RASGRF1: variants seen among roughly 807,000 people sequenced by gnomAD.
RASGRF1 encodes ras-specific guanine nucleotide-releasing factor 1.
In RASGRF1, 40 loss-of-function variants were observed where a neutral mutation model predicts 138.7. That is an observed-to-expected ratio of 0.29 (90% CI 0.22 to 0.38). The LOEUF is 0.38. Among genes scored for constraint, RASGRF1 ranks in the 10% least tolerant of loss-of-function variants. RASGRF1 has a pLI of 1.00. For synonymous variants in RASGRF1, 614 were observed against 663.2 expected (o/e 0.93, Z 1.14); for missense variants, 1,108 against 1,650.4 (o/e 0.67, Z 5.69).
intron 23 of RASGRF1, 84 bp downstream of exon 23, chr15:78,984,923 T>C (rs1255362719): frequency 1.4e-6 from 2 of 1,439,244 alleles, no homozygotes; most frequent in Non-Finnish European, 1.9e-6. Flanking sequence ...CACTTGTGGA[T>C]GCCCAGTGGC....
At chr15:79,013,481 C>T (rs1168037490) in intron 13 of RASGRF1, among the ~76,000 whole-genome samples, 1 of 152,242 alleles carries the variant, frequency 6.6e-6, no homozygotes, top group Non-Finnish European at 1.5e-5. Context: ...CGAGTGGAAA[C>T]AAAGGATTTC....
chr15:78,978,816 T>C (rs897962874), intron 24 of RASGRF1: 3 of 1,169,028 alleles, frequency 2.6e-6, no homozygotes, highest in African/African-American at 3.2e-5. Context: ...GCCCTGCCTA[T>C]GTCTCTGCAA....
chr15:79,065,865 T>C (rs2057673024), intron 1 of RASGRF1, among the ~76,000 whole-genome samples: 1 of 151,440 alleles, frequency 6.6e-6, no homozygotes, highest in African/African-American at 2.4e-5. Flanking sequence ...TTTATGTATT[T>C]TTGTTAATTG....
At position 79,021,452 on chromosome 15, in the gene RASGRF1, C is replaced by G. The variant is rs186299589; in HGVS notation, c.1543-1348G>C. 2.0e-5 allele frequency among the ~76,000 whole-genome samples: 3 copies of G among 152,294 alleles called. No homozygotes were observed. The East Asian group carries it at 5.8e-4, about 29-fold the overall frequency. Reference sequence around the variant, plus strand: ...ACTAACCCACTGGGCCTCAAGCTTGCCCAGTGATGTCACTGAGCTTGATCA... The same window carrying G: ...ACTAACCCACTGGGCCTCAAGCTTGGCCAGTGATGTCACTGAGCTTGATCA... On this transcript the variant is annotated intron_variant, in intron 10 of 26. Transcript: ENST00000558480.
Position 79,040,651 on chromosome 15 carries a change from T to TAG in RASGRF1, c.879-5443_879-5442dup, listed in dbSNP as rs112675333. ...TACTTATCAGAGCGAGAGCGAGAGC[T>TAG]AGAGAGAGAGAGAGAGTCTGTACAC... On this transcript the variant is annotated intron_variant, in intron 5 of 26. Coordinates refer to ENST00000558480, the MANE Select transcript of RASGRF1 (RefSeq NM_001145648.3). Among the ~76,000 whole-genome samples the TAG allele has an allele frequency of 7.3e-4, 110 of 150,304 alleles. 1 individual carries two copies. Among genetic ancestry groups the TAG allele is most frequent in the South Asian group, 3.8e-3 (18 of 4,772 alleles).
Position 78,965,847 on chromosome 15 carries a change from T to A in RASGRF1, c.3682-3611A>T, listed in dbSNP as rs1364164430. Among the ~76,000 whole-genome samples, 3 of 152,270 alleles carry A rather than the reference T, an allele frequency of 2.0e-5. No homozygotes were observed. In the East Asian group the frequency reaches 5.8e-4, roughly 29 times the overall value. ...GGCTGGGTGACAGAGTGAAACTCCG[T>A]CTCAAAAATAAAATAAAAGAATCTC... On this transcript the variant is annotated intron_variant, in intron 26 of 26. Coordinates refer to ENST00000558480, the MANE Select transcript of RASGRF1 (RefSeq NM_001145648.3).
At chr15:79,051,669 G>A (rs575120016) in intron 3 of RASGRF1, among the ~76,000 whole-genome samples, 41 of 152,316 alleles carry the variant, frequency 2.7e-4, no homozygotes, top group South Asian at 2.3e-3. Flanking sequence ...GCTCTTCTCA[G>A]AGAGAGGCAT....
intron 2 of RASGRF1, among the ~76,000 whole-genome samples, chr15:79,062,819 C>T (rs576725049): frequency 6.6e-6 from 1 of 152,156 alleles, no homozygotes; most frequent in Non-Finnish European, 1.5e-5. Context: ...GTTGGGATTA[C>T]AGGCGTGAAC....
At chr15:79,049,681 C>T (rs879760294) in intron 3 of RASGRF1, 93 bp from the exon 4 acceptor site, 61 of 1,022,854 alleles carry the variant, frequency 6.0e-5, no homozygotes, top group Middle Eastern at 3.1e-4. Context: ...GGGTGGCAGC[C>T]GAGTGCCCTG....
chr15:79,009,228 C>T (rs753858784), intron 13 of RASGRF1, among the ~76,000 whole-genome samples: 13 of 152,188 alleles, frequency 8.5e-5, no homozygotes, highest in Non-Finnish European at 1.6e-4. Flanking sequence ...AGGAAGGCTT[C>T]TGAAGAAAAC....
intron 6 of RASGRF1, among the ~76,000 whole-genome samples, chr15:79,034,342 C>A (rs867087843): frequency 1.3e-5 from 2 of 149,372 alleles, no homozygotes; most frequent in Admixed American, 6.6e-5. Context: ...GCAGGAGGTT[C>A]TTCTGTCTGT....
At chr15:79,031,328 G>A (rs985227839) in intron 8 of RASGRF1, 72 bp downstream of exon 8, 33 of 1,200,626 alleles carry the variant, frequency 2.7e-5, no homozygotes, top group Non-Finnish European at 3.5e-5. Flanking sequence ...GGGGTTCAGC[G>A]AACTCCTGGT....
chr15:79,004,808 T>A, intron 14 of RASGRF1: 5 of 985,546 alleles, frequency 5.1e-6, no homozygotes, highest in Non-Finnish European at 6.0e-6. Context: ...ATCGAGGCTG[T>A]CTGCTCCACG....
At chr15:78,998,568 T>G in intron 18 of RASGRF1, 151 bp downstream of exon 18, 2 of 680,634 alleles carry the variant, frequency 2.9e-6, no homozygotes, top group Non-Finnish European at 5.2e-6. Context: ...TCCGGGAACA[T>G]CAGGGTGGCA....
intron 1 of RASGRF1, among the ~76,000 whole-genome samples, chr15:79,075,621 T>C (rs1163732741): frequency 4.6e-5 from 7 of 152,212 alleles, no homozygotes; most frequent in Non-Finnish European, 8.8e-5. Context: ...ACACAGAACA[T>C]TGGACAACCA....
rs150781921 is a variant in RASGRF1, at chr15:78,962,180, C to T, written c.3738G>A (p.Glu1246=). The part of the protein sequence containing the change: ...SFVMDEESLY[E]SSLRIEPKLP... ...GTTTTGGTTCTATTCGGAGAGAAGA[C>T]TCGTAGAGGCTTTCTTCATCCATTA... The change falls in exon 27 of 27, where the codon GAG becomes GAA. Residue 1246 remains glutamate, a synonymous_variant. Coordinates refer to ENST00000558480, the MANE Select transcript of RASGRF1 (RefSeq NM_001145648.3). The T allele has an allele frequency of 8.2e-6, 13 of 1,589,174 alleles. No individual in the cohort carries two copies. The African/African-American group carries it at 1.3e-4, about 16-fold the overall frequency.
intron 23 of RASGRF1, chr15:78,981,703 C>T (rs1268834580): frequency 6.6e-6 from 1 of 152,262 alleles, no homozygotes; most frequent in Non-Finnish European, 1.5e-5. Context: ...CAGTTCCATG[C>T]CTTATCAACA....
intron 7 of RASGRF1, among the ~76,000 whole-genome samples, 159 bp from the exon 8 acceptor site, chr15:79,031,668 G>C (rs1377010703): frequency 1.4e-5 from 2 of 145,498 alleles, no homozygotes; most frequent in African/African-American, 5.1e-5. Context: ...GAGGGAGAGA[G>C]AGGTGGCGAG....
In RASGRF1 at chr15:78,981,188, A is replaced by G. The variant is rs189623924; in HGVS notation, c.3415-489T>C. The G allele has an allele frequency of 5.4e-3, 827 of 152,466 alleles. 1 individual carries two copies. The highest frequency in any genetic ancestry group is 8.9e-3 in the Non-Finnish European group (604 of 68,102). The allele number at this position is 152,466 out of a possible 1,614,324, so 9.4% of individuals were successfully genotyped here. A position where few individuals can be genotyped will look rare whatever the true frequency, so the allele number is the denominator to read the frequency against. On this transcript the variant is annotated intron_variant, in intron 23 of 26. Coordinates refer to ENST00000558480, the MANE Select transcript of RASGRF1 (RefSeq NM_001145648.3). Reference sequence around the variant, plus strand: ...AAAAAAGATGGGAGACGAACTGATCATCAGAAAAGAAAAGGCCTGGCTGGA... The same window carrying G: ...AAAAAAGATGGGAGACGAACTGATCGTCAGAAAAGAAAAGGCCTGGCTGGA...
Sources: allele counts gnomAD v4.1 joint callset (sites outside exome capture counted in the v4.1 genomes callset), GRCh38; gene constraint gnomAD v4.1.1; transcripts MANE v1.5; gene names NCBI Gene and HGNC (gene_info 2026-07-23, HGNC 2026-07-21).